SNTG2: variants seen among roughly 807,000 people sequenced by gnomAD.
The protein encoded by SNTG2 is syntrophin gamma 2.
A neutral mutation model predicts 70.9 loss-of-function variants in SNTG2; 74 were observed. The ratio of observed to expected loss-of-function variants is 1.04; its 90% confidence interval spans 0.86 to 1.27. SNTG2 has a LOEUF of 1.27. Ranked by LOEUF, SNTG2 falls within the 50% of genes most tolerant of loss-of-function variation. The pLI is 0.00. For missense variants in SNTG2, 717 were observed against 690.7 expected (o/e 1.04, Z -0.43); for synonymous variants, 278 against 273.8 (o/e 1.02, Z -0.15).
intron 7 of SNTG2, among the ~76,000 whole-genome samples, chr2:1,167,325 A>G (rs1213400484): frequency 6.6e-6 from 1 of 150,724 alleles, no homozygotes; most frequent in East Asian, 2.0e-4. Context: ...ACTGAAGCCT[A>G]TAGGCCGCCC....
chr2:993,775 ATGT>A (rs1661583579), intron 1 of SNTG2, among the ~76,000 whole-genome samples: 1 of 152,136 alleles, frequency 6.6e-6, no homozygotes, highest in Non-Finnish European at 1.5e-5. Context: ...ATGATTAATA[ATGT>A]TAAGTATCTT....
chr2:994,491 G>T (rs1320460468), intron 1 of SNTG2, among the ~76,000 whole-genome samples: 3 of 151,936 alleles, frequency 2.0e-5, no homozygotes, highest in African/African-American at 7.2e-5. Context: ...GTTCTTCTTT[G>T]TTAGGATTGT....
chr2:1,105,952 C>T (rs1172119013), intron 4 of SNTG2, among the ~76,000 whole-genome samples: 1 of 152,264 alleles, frequency 6.6e-6, no homozygotes, highest in African/African-American at 2.4e-5. Flanking sequence ...TCTCACCTTG[C>T]TCCTTGGTAA....
At chr2:1,021,609 T>C (rs927954455) in intron 1 of SNTG2, among the ~76,000 whole-genome samples, 12 of 151,988 alleles carry the variant, frequency 7.9e-5, no homozygotes, top group Non-Finnish European at 1.5e-4. Flanking sequence ...CTTTTTTTTT[T>C]CTTTTGCTTT....
intron 1 of SNTG2, among the ~76,000 whole-genome samples, chr2:987,483 C>T (rs933277797): frequency 4.0e-5 from 6 of 151,784 alleles, no homozygotes; most frequent in African/African-American, 7.3e-5. Context: ...GGATTGTCAG[C>T]GTCAGAGGAG....
At chr2:1,366,786 G>A (rs890890394) in intron 16 of SNTG2, among the ~76,000 whole-genome samples, 8 of 151,814 alleles carry the variant, frequency 5.3e-5, no homozygotes, top group African/African-American at 1.2e-4. Context: ...CCTCCCAAGC[G>A]TGGCCTTGGC....
chr2:1,082,039 C>G (rs915853075), intron 1 of SNTG2, among the ~76,000 whole-genome samples: 3 of 152,144 alleles, frequency 2.0e-5, no homozygotes, highest in African/African-American at 7.2e-5. Flanking sequence ...ACTTGGAACC[C>G]TCCTGAAACT....
chr2:1,133,145 G>A (rs181528125), intron 4 of SNTG2, among the ~76,000 whole-genome samples: 65 of 152,248 alleles, frequency 4.3e-4, no homozygotes, highest in African/African-American at 1.4e-3. Context: ...GACTATGAAG[G>A]TTGTCTGACC....
intron 6 of SNTG2, among the ~76,000 whole-genome samples, chr2:1,147,626 A>G (rs1669185529): frequency 6.6e-6 from 1 of 152,178 alleles, no homozygotes; most frequent in African/African-American, 2.4e-5. Context: ...ATGTACATCT[A>G]TCCTATTAGT....
At chr2:1,115,248 CGT>C (rs1255249030) in intron 4 of SNTG2, among the ~76,000 whole-genome samples, 1 of 130,582 alleles carries the variant, frequency 7.7e-6, no homozygotes, top group African/African-American at 3.0e-5. Flanking sequence ...AGGAGAATTT[CGT>C]GTACTGAGGT....
chr2:1,057,897 T>C (rs934503413), intron 1 of SNTG2, among the ~76,000 whole-genome samples: 3 of 152,032 alleles, frequency 2.0e-5, no homozygotes, highest in African/African-American at 7.2e-5. Flanking sequence ...AAAAATTAGG[T>C]GGCATGGTGG....
At chr2:1,298,817 T>C (rs866733761) in intron 14 of SNTG2, among the ~76,000 whole-genome samples, 3 of 152,102 alleles carry the variant, frequency 2.0e-5, no homozygotes, top group East Asian at 1.9e-4. Flanking sequence ...CCACCCTTAA[T>C]TGGGTAGGCA....
chr2:1,054,127 G>A (rs993826410), intron 1 of SNTG2, among the ~76,000 whole-genome samples: 6 of 152,162 alleles, frequency 3.9e-5, no homozygotes, highest in Admixed American at 2.0e-4. Flanking sequence ...CTGCGGACCC[G>A]TGTCATTGCC....
At chr2:1,030,438 A>G (rs909667064) in intron 1 of SNTG2, among the ~76,000 whole-genome samples, 5 of 152,204 alleles carry the variant, frequency 3.3e-5, no homozygotes, top group African/African-American at 1.2e-4. Context: ...GTGATGACAC[A>G]TGGATGGTAC....
At chr2:1,124,592 G>A (rs576114799) in intron 4 of SNTG2, among the ~76,000 whole-genome samples, 19 of 152,180 alleles carry the variant, frequency 1.2e-4, no homozygotes, top group African/African-American at 3.6e-4. Flanking sequence ...CACCGCGCCC[G>A]GCCTACTCAG....
intron 1 of SNTG2, among the ~76,000 whole-genome samples, chr2:1,053,153 C>A (rs1662170588): frequency 6.6e-6 from 1 of 152,264 alleles, no homozygotes; most frequent in South Asian, 2.1e-4. Context: ...TTGCTGAGCA[C>A]AGTGTTCAAC....
At chr2:1,091,276 A>G (rs527595246) in intron 2 of SNTG2, among the ~76,000 whole-genome samples, 2 of 152,268 alleles carry the variant, frequency 1.3e-5, no homozygotes, top group East Asian at 3.9e-4. Flanking sequence ...CAGGCTGACC[A>G]GGAAAGCTGC....
intron 1 of SNTG2, among the ~76,000 whole-genome samples, chr2:1,031,528 A>ATATATATATATATATATATTTTT: frequency 1.5e-4 from 9 of 59,110 alleles, no homozygotes; most frequent in Non-Finnish European, 2.8e-4. Flanking sequence ...ATATATATAT[A>ATATATATATATATATATATTTTT]TTTTTTTTTT....
intron 16 of SNTG2, among the ~76,000 whole-genome samples, chr2:1,332,267 T>C (rs1659572677): frequency 6.6e-6 from 1 of 152,204 alleles, no homozygotes; most frequent in Non-Finnish European, 1.5e-5. Flanking sequence ...AAACAGAACT[T>C]ACTATAATGT....
Sources: gnomAD v4.1 joint callset for allele counts (sites outside exome capture counted in the v4.1 genomes callset) on GRCh38, gnomAD v4.1.1 for gene constraint, MANE v1.5 for transcripts, NCBI Gene and HGNC (gene_info 2026-07-23, HGNC 2026-07-21) for gene names.